Variants in NKAIN2 observed in about 807,000 individuals in gnomAD.
The protein encoded by NKAIN2 is sodium/potassium-transporting ATPase subunit beta-1-interacting protein 2.
NKAIN2 carries 14 observed loss-of-function variants against 32.6 expected under a neutral mutation model. That is an observed-to-expected ratio of 0.43 (90% confidence interval 0.28 to 0.67). The LOEUF (loss-of-function observed/expected upper bound fraction) is 0.67. NKAIN2 is among the 30% of genes least tolerant of loss of function. NKAIN2 has a pLI of 0.17. For synonymous variants in NKAIN2, 80 were observed against 87.2 expected (o/e 0.92, Z 0.46); for missense variants, 198 against 258.3 (o/e 0.77, Z 1.60).
chr6:123,985,165 G>A (rs1779079941), intron 1 of NKAIN2, among the ~76,000 whole-genome samples: 1 of 152,152 alleles, frequency 6.6e-6, no homozygotes, highest in Non-Finnish European at 1.5e-5. Context: ...TTGGGAGGCT[G>A]AGGAGGGGTG....
chr6:124,536,464 G>A (rs1341401075), intron 3 of NKAIN2, among the ~76,000 whole-genome samples: 1 of 151,960 alleles, frequency 6.6e-6, no homozygotes, highest in Non-Finnish European at 1.5e-5. Flanking sequence ...ATGTTCTAGG[G>A]GGTCTCATGC....
intron 4 of NKAIN2, among the ~76,000 whole-genome samples, chr6:124,671,278 GA>G (rs2114474766): frequency 6.6e-6 from 1 of 152,184 alleles, no homozygotes; most frequent in East Asian, 1.9e-4. Context: ...ACCTCTGGTT[GA>G]AAACAATTCT....
At chr6:124,502,903 T>A (rs1477112137) in intron 3 of NKAIN2, among the ~76,000 whole-genome samples, 1 of 152,200 alleles carries the variant, frequency 6.6e-6, no homozygotes, top group Non-Finnish European at 1.5e-5. Flanking sequence ...TTTCTTGTTA[T>A]TTACCTGTTC....
At chr6:124,086,702 G>A (rs1375071884) in intron 1 of NKAIN2, among the ~76,000 whole-genome samples, 1 of 151,818 alleles carries the variant, frequency 6.6e-6, no homozygotes, top group Non-Finnish European at 1.5e-5. Context: ...ATGATGAAAT[G>A]AGCCAAATGC....
chr6:124,178,184 T>G (rs570014300), intron 1 of NKAIN2, among the ~76,000 whole-genome samples: 2 of 152,346 alleles, frequency 1.3e-5, no homozygotes, highest in South Asian at 4.1e-4. Context: ...TCTGGTACTT[T>G]TATCTTACAC....
At chr6:124,811,215 T>A (rs1380899966) in intron 5 of NKAIN2, among the ~76,000 whole-genome samples, 9 of 152,180 alleles carry the variant, frequency 5.9e-5, no homozygotes, top group Non-Finnish European at 1.2e-4. Context: ...TACTTTAGTG[T>A]CTTTCAGTGA....
chr6:124,504,696 C>T (rs1712848055), intron 3 of NKAIN2, among the ~76,000 whole-genome samples: 1 of 152,148 alleles, frequency 6.6e-6, no homozygotes, highest in African/African-American at 2.4e-5. Flanking sequence ...AGGCATTGAA[C>T]ACAGCAAGAG....
chr6:123,993,943 C>T (rs963345236), intron 1 of NKAIN2, among the ~76,000 whole-genome samples: 4 of 152,042 alleles, frequency 2.6e-5, no homozygotes, highest in East Asian at 3.9e-4. Flanking sequence ...ATAATTTGGG[C>T]GACCTTCTGT....
intron 1 of NKAIN2, among the ~76,000 whole-genome samples, chr6:124,257,015 G>T (rs1384123595): frequency 1.3e-5 from 2 of 149,954 alleles, no homozygotes; most frequent in African/African-American, 4.9e-5. Context: ...ATCTCTGATG[G>T]TTTTCTCGAA....
chr6:124,171,911 A>C (rs2114504535), intron 1 of NKAIN2, among the ~76,000 whole-genome samples: 3 of 129,830 alleles, frequency 2.3e-5, no homozygotes, highest in East Asian at 2.3e-4. Flanking sequence ...CAATGGCATG[A>C]TCTCCACTCA....
chr6:124,116,573 GA>G (rs1027840242), intron 1 of NKAIN2, among the ~76,000 whole-genome samples: 4 of 151,978 alleles, frequency 2.6e-5, no homozygotes, highest in African/African-American at 7.2e-5. Flanking sequence ...TAATACTGCT[GA>G]AAAAAACATT....
At chr6:124,074,637 T>C (rs1029775656) in intron 1 of NKAIN2, among the ~76,000 whole-genome samples, 3 of 152,200 alleles carry the variant, frequency 2.0e-5, no homozygotes, top group African/African-American at 7.2e-5. Context: ...ACTGACACAC[T>C]TTCAATACCT....
chr6:124,650,650 TTA>T lies in NKAIN2; in HGVS notation c.274-7535_274-7534del, dbSNP rs1583582800. On this transcript the variant is annotated intron_variant, in intron 3 of 6. Transcript: ENST00000368417. ...CAAACCCACTCCCATGGTGGCAACA[TTA>T]GCTCATTCATGACAGTGGAGCAACG... Among the ~76,000 whole-genome samples the T allele has an allele frequency of 1.2e-4, 19 of 152,206 alleles. No individual in the cohort carries two copies. The East Asian group carries it at 3.7e-3, about 29-fold the overall frequency.
At chr6:123,852,175 C>T (rs190187085) in intron 1 of NKAIN2, among the ~76,000 whole-genome samples, 1 of 152,324 alleles carries the variant, frequency 6.6e-6, no homozygotes, top group East Asian at 1.9e-4. Context: ...TGGACATCCA[C>T]CAGTCCCAGC....
chr6:124,814,526 C>T (rs1433277887), intron 5 of NKAIN2, among the ~76,000 whole-genome samples: 1 of 152,136 alleles, frequency 6.6e-6, no homozygotes, highest in East Asian at 1.9e-4. Flanking sequence ...AGAATGATCA[C>T]AGTCCTTCCA....
At chr6:124,012,257 A>G (rs1780368949) in intron 1 of NKAIN2, among the ~76,000 whole-genome samples, 2 of 151,262 alleles carry the variant, frequency 1.3e-5, no homozygotes, top group Non-Finnish European at 2.9e-5. Flanking sequence ...TTCTACCACT[A>G]TAGATTGATT....
At position 124,032,614 on chromosome 6, in the gene NKAIN2, G is replaced by A. The variant is rs148596919; in HGVS notation, c.54+228360G>A. On this transcript the variant is annotated intron_variant, in intron 1 of 6. Transcript: ENST00000368417. Reference sequence around the variant, plus strand: ...ATTCATATTGGACTATTCATTAAGAGGTCTAAGAAGAAAGGTACTCTTAAA... The same window carrying A: ...ATTCATATTGGACTATTCATTAAGAAGTCTAAGAAGAAAGGTACTCTTAAA... Among the ~76,000 whole-genome samples, 1,016 of 151,982 alleles carry A rather than the reference G, an allele frequency of 6.7e-3. 14 individuals carry two copies. The highest frequency in any genetic ancestry group is 0.023 in the African/African-American group (962 of 41,472).
intron 5 of NKAIN2, 138 bp from the exon 6 acceptor site, chr6:124,818,249 T>C (rs1218918219): frequency 4.6e-6 from 2 of 432,838 alleles, no homozygotes; most frequent in Admixed American, 4.0e-5. Flanking sequence ...CTTCCATTTC[T>C]TTTTTCTTCA....
At chr6:124,318,097 C>A (rs1423330475) in intron 2 of NKAIN2, among the ~76,000 whole-genome samples, 1 of 151,906 alleles carries the variant, frequency 6.6e-6, no homozygotes, top group Non-Finnish European at 1.5e-5. Flanking sequence ...ATGTCTTCTG[C>A]TAAAGCCTCA....
Sources: allele counts gnomAD v4.1 joint callset (sites outside exome capture counted in the v4.1 genomes callset), GRCh38; gene constraint gnomAD v4.1.1; transcripts MANE v1.5; gene names NCBI Gene and HGNC (gene_info 2026-07-23, HGNC 2026-07-21).